The following AGBL1 variants were observed in gnomAD, a reference collection of about 807,000 sequenced individuals.
AGBL1 encodes the protein AGBL carboxypeptidase 1, also known as cytosolic carboxypeptidase 4.
In AGBL1, 130 loss-of-function variants were observed where a neutral mutation model predicts 118.9. That is an observed-to-expected ratio of 1.09 (90% confidence interval 0.95 to 1.26). The LOEUF is 1.26. Among genes scored for constraint, AGBL1 ranks in the 50% most tolerant of loss-of-function variants. The pLI is 0.00. For missense variants in AGBL1, 1,584 were observed against 1,298.1 expected, an observed-to-expected ratio of 1.22 and a Z score of -3.38; for synonymous variants, 555 against 478.9, an observed-to-expected ratio of 1.16 and a Z score of -2.08.
intron 22 of AGBL1, among the ~76,000 whole-genome samples, chr15:86,899,520 C>T (rs56389018): frequency 0.013 from 1,960 of 152,060 alleles, 42 homozygotes; most frequent in African/African-American, 0.045. Flanking sequence ...TCACAAGTAC[C>T]CCTGAACCTA....
chr15:87,004,300 A>G (rs557963530), intron 24 of AGBL1, among the ~76,000 whole-genome samples: 1 of 124,658 alleles, frequency 8.0e-6, no homozygotes, highest in Non-Finnish European at 1.6e-5. Context: ...TTAGACTCCC[A>G]CACAATTATA....
Position 86,247,869 on chromosome 15 carries a change from G to A in AGBL1, c.725G>A (p.Ser242Asn). Residue 242 changes from serine to asparagine, a missense_variant, in exon 7 of 23, where the codon AGC becomes AAC. Coordinates refer to ENST00000614907, the MANE Select transcript of AGBL1 (RefSeq NM_001386094.1). Reference protein sequence around the residue: ...LAAQGMEILFSTTQNCLDDKS... With the variant: ...LAAQGMEILFNTTQNCLDDKS... Reference sequence around the variant, plus strand: ...GCACAGGGCATGGAGATCCTCTTCAGCACCACACAGGCAGGCAGCATGGGG... The same window carrying A: ...GCACAGGGCATGGAGATCCTCTTCAACACCACACAGGCAGGCAGCATGGGG... 5 of 1,613,876 alleles carry A rather than the reference G, an allele frequency of 3.1e-6. No homozygotes were observed. Among genetic ancestry groups the A allele is most frequent in the Non-Finnish European group, 4.2e-6 (5 of 1,179,894 alleles).
intron 5 of AGBL1, among the ~76,000 whole-genome samples, chr15:86,202,188 G>T (rs889252524): frequency 6.6e-6 from 1 of 152,116 alleles, no homozygotes; most frequent in Admixed American, 6.5e-5. Flanking sequence ...AGCTACTCTG[G>T]GGGCTGAGGC....
chr15:86,135,353 A>G (rs1196735495), intron 1 of AGBL1, among the ~76,000 whole-genome samples: 1 of 152,186 alleles, frequency 6.6e-6, no homozygotes, highest in African/African-American at 2.4e-5. Flanking sequence ...AGCCAAACAA[A>G]CTTCTTTTCT....
chr15:86,270,186 G>T, intron 14 of AGBL1, 119 bp downstream of exon 14: 1 of 1,362,190 alleles, frequency 7.3e-7, no homozygotes, highest in Non-Finnish European at 9.8e-7. Flanking sequence ...GCAGAGTTTT[G>T]GGTTGCCAGG....
chr15:86,772,700 G>A (rs1177176372), intron 22 of AGBL1, among the ~76,000 whole-genome samples: 1 of 152,004 alleles, frequency 6.6e-6, no homozygotes, highest in Admixed American at 6.6e-5. Flanking sequence ...AAAGGTAGGA[G>A]GAAATCAAGG....
At chr15:86,577,028 A>G (rs1830893862) in intron 21 of AGBL1, among the ~76,000 whole-genome samples, 1 of 152,180 alleles carries the variant, frequency 6.6e-6, no homozygotes, top group Non-Finnish European at 1.5e-5. Context: ...AAAGATACCC[A>G]AAAATGTGGA....
chr15:86,442,239 C>T (rs1288335463), intron 18 of AGBL1, among the ~76,000 whole-genome samples: 5 of 152,174 alleles, frequency 3.3e-5, no homozygotes, highest in Admixed American at 3.3e-4. Flanking sequence ...ATCTGAGGAG[C>T]AGGCTGAGAG....
In AGBL1 at chr15:86,911,690, T is replaced by G. The variant is rs2080354266; in HGVS notation, c.*4396T>G. On this transcript the variant is annotated 3_prime_UTR_variant, in exon 23 of 23. Transcript: ENST00000614907. ...AGCTCCCTAAATGTACTTTTTGATT[T>G]TTCTAACATTTTCACATTTTTCCTC... 1 of 152,162 alleles carries G rather than the reference T, an allele frequency of 6.6e-6. No individual in the cohort carries two copies. The highest frequency in any genetic ancestry group is 2.1e-4 in the South Asian group (1 of 4,832). 9.4% of individuals were successfully genotyped at this position (152,162 alleles called of 1,614,324 possible).
At chr15:86,724,072 A>G (rs1355898727) in intron 22 of AGBL1, among the ~76,000 whole-genome samples, 1 of 151,978 alleles carries the variant, frequency 6.6e-6, no homozygotes, top group Non-Finnish European at 1.5e-5. Flanking sequence ...CGTCTCTAAT[A>G]AAAATACAAA....
At chr15:86,432,568 A>T (rs1483419307) in intron 18 of AGBL1, among the ~76,000 whole-genome samples, 1 of 152,168 alleles carries the variant, frequency 6.6e-6, no homozygotes, top group African/African-American at 2.4e-5. Context: ...ATTGATGTTG[A>T]CCTTGCTGAG....
At chr15:86,104,705 A>AG (rs1020715507) in intron 1 of AGBL1, among the ~76,000 whole-genome samples, 2 of 152,214 alleles carry the variant, frequency 1.3e-5, no homozygotes, top group African/African-American at 2.4e-5. Context: ...GTGGAGATAC[A>AG]GGGGCTGTTG....
chr15:86,167,766 T>C (rs2077362320), intron 5 of AGBL1, among the ~76,000 whole-genome samples: 1 of 152,174 alleles, frequency 6.6e-6, no homozygotes, highest in African/African-American at 2.4e-5. Flanking sequence ...CACAAATGTG[T>C]AGCCATGGAA....
chr15:86,511,063 A>G (rs1241487872), intron 18 of AGBL1, among the ~76,000 whole-genome samples: 4 of 152,112 alleles, frequency 2.6e-5, no homozygotes, highest in Non-Finnish European at 5.9e-5. Context: ...GACACATAGT[A>G]GGTGTTCTAG....
chr15:86,711,974 C>T (rs1223230402), intron 22 of AGBL1, among the ~76,000 whole-genome samples: 1 of 152,104 alleles, frequency 6.6e-6, no homozygotes, highest in Admixed American at 6.6e-5. Context: ...CAAGGTGGGT[C>T]TTATTTCTGC....
chr15:86,957,472 A>G (rs2080942431), intron 23 of AGBL1, among the ~76,000 whole-genome samples: 1 of 152,074 alleles, frequency 6.6e-6, no homozygotes, highest in Non-Finnish European at 1.5e-5. Flanking sequence ...ATTTAGATAT[A>G]CTGTGAGAAT....
chr15:86,108,261 T>C (rs1897164887), intron 1 of AGBL1, among the ~76,000 whole-genome samples: 1 of 152,244 alleles, frequency 6.6e-6, no homozygotes, highest in Admixed American at 6.5e-5. Flanking sequence ...ATAGTAATTT[T>C]TGCAGCAATA....
chr15:86,490,220 A>T (rs950884009), intron 18 of AGBL1, among the ~76,000 whole-genome samples: 2 of 152,092 alleles, frequency 1.3e-5, no homozygotes, highest in East Asian at 3.9e-4. Context: ...TAACATAATT[A>T]GGTATGGGTC....
chr15:86,699,207 A>G (rs960281112), intron 22 of AGBL1, among the ~76,000 whole-genome samples: 13 of 152,066 alleles, frequency 8.5e-5, no homozygotes, highest in African/African-American at 2.7e-4. Context: ...AAATGTTAAT[A>G]TTTTATTATA....
Sources: gnomAD v4.1 joint callset for allele counts (sites outside exome capture counted in the v4.1 genomes callset) on GRCh38, gnomAD v4.1.1 for gene constraint, MANE v1.5 for transcripts, NCBI Gene and HGNC (gene_info 2026-07-23, HGNC 2026-07-21) for gene names.